Variants in CKAP2 observed in about 807,000 individuals in gnomAD.
The protein encoded by CKAP2 is cytoskeleton associated protein 2.
Under a neutral mutation model 58.4 loss-of-function variants are expected in CKAP2, and 46 were observed. The observed-to-expected ratio is 0.79, with a 90% CI of 0.62 to 1.01. The LOEUF (loss-of-function observed/expected upper bound fraction) is 1.01, where lower values mean the gene tolerates loss of function less well. Among genes scored for constraint, CKAP2 ranks in the 50% least tolerant of loss-of-function variants. The pLI, the probability that CKAP2 is intolerant of heterozygous loss-of-function variation, is 0.00. For synonymous variants in CKAP2, 293 were observed against 280.9 expected (o/e 1.04, Z -0.43); for missense variants, 809 against 796.4 (o/e 1.02, Z -0.19).
At position 52,455,908 on chromosome 13, in the gene CKAP2, C is replaced by A. The variant is rs1156262423; in HGVS notation, c.70+282C>A. On this transcript the variant is annotated intron_variant, in intron 1 of 8. Coordinates refer to ENST00000258607, the MANE Select transcript of CKAP2 (RefSeq NM_018204.5). ...GAGGGGAAACGCGCGGGCCTCAGGC[C>A]GGGGTCGGTGTCGGAGACCCTGGGT... The A allele has an allele frequency of 3.5e-6, 4 of 1,139,112 alleles. 1 individual carries two copies. Among genetic ancestry groups the A allele is most frequent in the Non-Finnish European group, 4.4e-6 (4 of 918,184 alleles). 70.6% of individuals were successfully genotyped at this position (1,139,112 alleles called of 1,614,324 possible). A position where few individuals can be genotyped will look rare whatever the true frequency, so the allele number is the denominator to read the frequency against.
chr13:52,461,324 T>A lies in CKAP2; in HGVS notation c.498T>A (p.Asp166Glu). 1 of 1,614,188 alleles carries A rather than the reference T, an allele frequency of 6.2e-7. No homozygotes were observed. Among genetic ancestry groups the A allele is most frequent in the South Asian group, 1.1e-5 (1 of 91,076 alleles). Reference protein sequence around the residue: ...KQMTTEKQKQDANMPKKPVLG... With the variant: ...KQMTTEKQKQEANMPKKPVLG... The stretch of plus-strand genomic sequence containing the variant: ...TGACTACAGAAAAACAAAAGCAAGA[T>A]GCTAACATGCCCAAGAAACCTGTGC... The change falls in exon 4 of 9, where the codon GAT becomes GAA. Residue 166 changes from aspartate to glutamate, a missense_variant. Transcript: ENST00000258607.
At chr13:52,467,890 AGCT>A (rs1958704470) in intron 6 of CKAP2, among the ~76,000 whole-genome samples, 1 of 151,606 alleles carries the variant, frequency 6.6e-6, no homozygotes, top group Non-Finnish European at 1.5e-5. Context: ...GCTCACTGCA[AGCT>A]CCGCTTCCTG....
intron 2 of CKAP2, among the ~76,000 whole-genome samples, chr13:52,458,757 C>T (rs766311288): frequency 6.6e-5 from 10 of 151,168 alleles, no homozygotes; most frequent in East Asian, 1.9e-4. Flanking sequence ...CGGGGAGGGC[C>T]GAGGCAGAAG....
chr13:52,475,446 CTAAATA>C lies in CKAP2; in HGVS notation c.*309_*314del, dbSNP rs1488459764. ...TTATAATACTACCCTGTTCACTTTA[CTAAATA>C]TAAGTACAGTAATGATGCATAATTA... On this transcript the variant is annotated 3_prime_UTR_variant, in exon 9 of 9. Coordinates refer to ENST00000258607, the MANE Select transcript of CKAP2 (RefSeq NM_018204.5). 1 of 243,076 alleles carries C rather than the reference CTAAATA, an allele frequency of 4.1e-6. No homozygotes were observed. Among genetic ancestry groups the C allele is most frequent in the African/African-American group, 2.2e-5 (1 of 44,614 alleles). The allele number at this position is 243,076 out of a possible 1,614,324, so 15.1% of individuals were successfully genotyped here. A position where few individuals can be genotyped will look rare whatever the true frequency, so the allele number is the denominator to read the frequency against.
intron 5 of CKAP2, 65 bp from the exon 6 acceptor site, chr13:52,465,230 G>C (rs1286743334): frequency 5.9e-6 from 8 of 1,361,294 alleles, no homozygotes; most frequent in Non-Finnish European, 8.2e-6. Flanking sequence ...ACTATAGTAG[G>C]CTCAATTATT....
rs1448813682 is a variant in CKAP2 at position 52,456,510 on chromosome 13, C to T, written c.71-13C>T. The T allele has an allele frequency of 7.5e-6, 12 of 1,592,028 alleles. No individual in the cohort carries two copies. The highest frequency in any genetic ancestry group is 1.0e-5 in the Non-Finnish European group (12 of 1,164,808). ...ACTAATATTGACTTGTAGCTCTTACCTTTGTTATCTAGAGCAAAGAAGACA... is the reference window on the plus strand; with the variant it reads ...ACTAATATTGACTTGTAGCTCTTACTTTTGTTATCTAGAGCAAAGAAGACA... On this transcript the variant is annotated splice_polypyrimidine_tract_variant and intron_variant, in intron 1 of 8. Transcript: ENST00000258607.
intron 2 of CKAP2, among the ~76,000 whole-genome samples, chr13:52,458,470 G>T (rs918632445): frequency 2.0e-5 from 3 of 152,158 alleles, no homozygotes; most frequent in Non-Finnish European, 4.4e-5. Flanking sequence ...TTTAAATAAA[G>T]AATCCAACAA....
At chr13:52,455,691 T>C in intron 1 of CKAP2, 65 bp downstream of exon 1, 1 of 1,385,556 alleles carries the variant, frequency 7.2e-7, no homozygotes, top group Non-Finnish European at 9.3e-7. Context: ...GGCCCGGCGG[T>C]CGGGGCTCGG....
intron 5 of CKAP2, among the ~76,000 whole-genome samples, chr13:52,463,176 G>C (rs913623861): frequency 6.6e-6 from 1 of 152,166 alleles, no homozygotes; most frequent in Admixed American, 6.6e-5. Flanking sequence ...GACCTCATGT[G>C]ATCCACCCAC....
intron 7 of CKAP2, among the ~76,000 whole-genome samples, chr13:52,471,785 A>C (rs138012595): frequency 6.6e-6 from 1 of 152,010 alleles, no homozygotes; most frequent in East Asian, 1.9e-4. Context: ...TATCTACTTC[A>C]CTCCATTCCT....
chr13:52,473,839 G>A lies in CKAP2; in HGVS notation c.1557G>A (p.Met519Ile). 6.2e-7 allele frequency: 1 copy of A among 1,601,990 alleles called. No homozygotes were observed. The highest frequency in any genetic ancestry group is 8.5e-7 in the Non-Finnish European group (1 of 1,175,604). The change falls in exon 8 of 9, where the codon ATG becomes ATA. Residue 519 changes from methionine to isoleucine, a missense_variant. This residue lies in a region of CKAP2 where 283 missense variants were observed against 287.6 expected (regional missense o/e 0.98). Coordinates refer to ENST00000258607, the MANE Select transcript of CKAP2 (RefSeq NM_018204.5). ...ATGTATTTTCTATAGGAGAAAATAT[G>A]GAGAAGTCTTGTGCAAGCAAGGAAG... ...SQEKANLGEN[M>I]EKSCASKEEV...
At chr13:52,460,258 A>G (rs1958548675) in intron 2 of CKAP2, among the ~76,000 whole-genome samples, 1 of 152,184 alleles carries the variant, frequency 6.6e-6, no homozygotes, top group Non-Finnish European at 1.5e-5. Context: ...AAGTATTTTC[A>G]ATGTAGTACA....
At chr13:52,465,776 G>C (rs1460200566) in intron 6 of CKAP2, 1 of 466,836 alleles carries the variant, frequency 2.1e-6, no homozygotes, top group Non-Finnish European at 4.2e-6. Flanking sequence ...CTGGGAGACT[G>C]AATGTAATAT....
chr13:52,468,379 G>T, intron 7 of CKAP2, 32 bp downstream of exon 7: 2 of 1,318,736 alleles, frequency 1.5e-6, no homozygotes, highest in South Asian at 1.3e-5. Context: ...TCCTTCATGT[G>T]AACTGTAGTT....
rs1324361145 is a variant in CKAP2 at position 52,474,900 on chromosome 13, A to G, written c.1808A>G (p.Lys603Arg). Reference sequence around the variant, plus strand: ...AATATTGTTTTAATTTTCAGTGTGAAAAAAAAGGTGCAGTTTGATGGAACA... The same window carrying G: ...AATATTGTTTTAATTTTCAGTGTGAGAAAAAAGGTGCAGTTTGATGGAACA... ...VSTTPYLQSV[K>R]KKVQFDGTNS... is the part of the protein sequence containing the mutation. The change falls in exon 9 of 9, where the codon AAA (lysine) becomes AGA (arginine). Residue 603 changes from lysine to arginine, a missense_variant. By Grantham distance (26) the Lys-to-Arg change is conservative. Around this residue, in one of 3 missense-constraint regions of CKAP2, gnomAD observed 283 missense variants for 287.6 expected, o/e 0.98. Transcript: ENST00000258607. 1 of 1,606,992 alleles carries G rather than the reference A, an allele frequency of 6.2e-7. No homozygotes were observed. Among genetic ancestry groups the G allele is most frequent in the Admixed American group, 1.7e-5 (1 of 59,314 alleles).
chr13:52,456,182 A>G, intron 1 of CKAP2: 1 of 1,058,776 alleles, frequency 9.4e-7, no homozygotes, highest in Non-Finnish European at 1.1e-6. Context: ...CAGTTCTGGT[A>G]AATTAGAACT....
chr13:52,462,481 A>G lies in CKAP2; in HGVS notation c.1219A>G (p.Thr407Ala), dbSNP rs1958602119. The change falls in exon 5 of 9, where the codon ACT becomes GCT. Residue 407 changes from threonine (T) to alanine (A), a missense_variant. Coordinates refer to ENST00000258607, the MANE Select transcript of CKAP2 (RefSeq NM_018204.5). ...TGAAAAACCAGTTGGGTCTTTTTGG[A>G]CTACCATGGCAGAAGAAGATGAACA... is the stretch of plus-strand genomic sequence containing the variant. ...QNEKPVGSFW[T>A]TMAEEDEQRL... 6.2e-7 allele frequency: 1 copy of G among 1,614,152 alleles called. No individual in the cohort carries two copies. The highest frequency in any genetic ancestry group is 8.5e-7 in the Non-Finnish European group (1 of 1,180,008).
intron 1 of CKAP2, chr13:52,456,296 G>C (rs1958478303): frequency 1.3e-6 from 1 of 741,024 alleles, no homozygotes; most frequent in East Asian, 3.4e-5. Context: ...AGGGAGTAGA[G>C]AATGTGATTC....
chr13:52,466,147 G>A (rs1958674820), intron 6 of CKAP2, among the ~76,000 whole-genome samples: 1 of 151,870 alleles, frequency 6.6e-6, no homozygotes, highest in Non-Finnish European at 1.5e-5. Context: ...CCTCTATAGT[G>A]CCTCGATACC....
Sources: allele counts gnomAD v4.1 joint callset (sites outside exome capture counted in the v4.1 genomes callset), GRCh38; gene constraint gnomAD v4.1.1; regional missense constraint gnomAD v4.1.1; transcripts MANE v1.5; gene names NCBI Gene and HGNC (gene_info 2026-07-23, HGNC 2026-07-21).